Variants in PTPRN2 observed in about 807,000 individuals in gnomAD.
PTPRN2 encodes protein tyrosine phosphatase receptor type N2.
PTPRN2 carries 74 observed loss-of-function variants against 118.8 expected under a neutral mutation model. That is an observed-to-expected ratio of 0.62 (90% CI 0.52 to 0.76). PTPRN2 has a LOEUF of 0.76. Ranked by LOEUF, PTPRN2 falls within the 30% of genes least tolerant of loss-of-function variation. The pLI, the probability that PTPRN2 is intolerant of heterozygous loss-of-function variation, is 0.00. For missense variants in PTPRN2, 1,481 were observed against 1,394.4 expected (o/e 1.06, Z -0.99); for synonymous variants, 641 against 608.0 (o/e 1.05, Z -0.80).
At chr7:158,157,430 A>G (rs1484656221) in intron 6 of PTPRN2, among the ~76,000 whole-genome samples, 4 of 152,276 alleles carry the variant, frequency 2.6e-5, no homozygotes, top group Admixed American at 6.5e-5. Context: ...CTGTAAGGAC[A>G]TCAGCCAAAC....
chr7:158,530,528 C>T (rs540181870), intron 1 of PTPRN2, among the ~76,000 whole-genome samples: 31 of 152,264 alleles, frequency 2.0e-4, no homozygotes, highest in African/African-American at 7.2e-4. Context: ...ACGACTTAAA[C>T]ACATAGAGCA....
intron 2 of PTPRN2, among the ~76,000 whole-genome samples, chr7:158,344,106 G>A (rs1040532633): frequency 6.6e-6 from 1 of 151,882 alleles, no homozygotes; most frequent in African/African-American, 2.4e-5. Flanking sequence ...AACACAAAAT[G>A]TCCCCCTGCC....
At chr7:158,086,740 T>G (rs1323759507) in intron 10 of PTPRN2, among the ~76,000 whole-genome samples, 1 of 152,242 alleles carries the variant, frequency 6.6e-6, no homozygotes. Flanking sequence ...CTGAACTTTA[T>G]GGCTCTGTGT....
intron 9 of PTPRN2, among the ~76,000 whole-genome samples, chr7:158,113,687 G>C (rs1319085067): frequency 1.3e-5 from 2 of 152,178 alleles, no homozygotes; most frequent in East Asian, 3.9e-4. Flanking sequence ...TGGGGGTTAT[G>C]AATCCTTCCT....
chr7:158,133,375 T>G (rs1818534514), intron 9 of PTPRN2, among the ~76,000 whole-genome samples: 1 of 152,160 alleles, frequency 6.6e-6, no homozygotes, highest in African/African-American at 2.4e-5. Flanking sequence ...AGGCGCGGCC[T>G]GCAGGTGACC....
chr7:158,414,774 G>A (rs1814514273), intron 2 of PTPRN2, among the ~76,000 whole-genome samples: 1 of 152,206 alleles, frequency 6.6e-6, no homozygotes, highest in Non-Finnish European at 1.5e-5. Context: ...AGTGGGGGAG[G>A]GGCATCCACT....
intron 12 of PTPRN2, among the ~76,000 whole-genome samples, chr7:157,769,187 C>T (rs967816601): frequency 3.9e-5 from 6 of 152,114 alleles, no homozygotes; most frequent in African/African-American, 1.2e-4. Context: ...CTCATTATTC[C>T]GCCCCCCACA....
chr7:157,801,905 C>A lies in PTPRN2; in HGVS notation c.1788+96768G>T, dbSNP rs547131694. Among the ~76,000 whole-genome samples the A allele has an allele frequency of 6.6e-6, 1 of 152,300 alleles. No homozygotes were observed. The highest frequency in any genetic ancestry group is 2.1e-4 in the South Asian group (1 of 4,822). ...TTATTCTCTCACAGGAGGCCACGGT[C>A]CAGATGGGTTTCACTGAGCTGAAGT... On this transcript the variant is annotated intron_variant, in intron 12 of 22. Transcript: ENST00000389418. The surrounding 1 kb of genome is among the most constrained non-coding windows in gnomAD (Gnocchi z 4.2).
At chr7:158,437,303 A>AT (rs1193955279) in intron 2 of PTPRN2, among the ~76,000 whole-genome samples, 1 of 152,174 alleles carries the variant, frequency 6.6e-6, no homozygotes, top group Non-Finnish European at 1.5e-5. Context: ...TATAGAATCA[A>AT]TTTTTCTGGT....
chr7:158,196,288 G>T (rs923794938), intron 4 of PTPRN2, among the ~76,000 whole-genome samples: 8 of 152,120 alleles, frequency 5.3e-5, no homozygotes, highest in African/African-American at 1.9e-4. Context: ...AACTCAAGCT[G>T]CCTTGGTTTC....
intron 4 of PTPRN2, among the ~76,000 whole-genome samples, chr7:158,196,827 A>T (rs1328534916): frequency 6.6e-6 from 1 of 152,174 alleles, no homozygotes; most frequent in Non-Finnish European, 1.5e-5. Context: ...AAAAAAAGTA[A>T]CCCAGAATTC....
At chr7:158,107,472 G>GA (rs1815777846) in intron 10 of PTPRN2, among the ~76,000 whole-genome samples, 1 of 151,570 alleles carries the variant, frequency 6.6e-6, no homozygotes, top group African/African-American at 2.4e-5. Flanking sequence ...GCCACCTCCA[G>GA]AACCCCAGAT....
At chr7:158,252,137 C>T (rs754042406) in intron 3 of PTPRN2, among the ~76,000 whole-genome samples, 68 of 152,300 alleles carry the variant, frequency 4.5e-4, no homozygotes, top group Non-Finnish European at 8.5e-4. Context: ...GGCAACTCTG[C>T]TCTGGTTGCC....
rs1024102123 is a variant in PTPRN2, at chr7:158,178,594, T to C, written c.550-11303A>G. On this transcript the variant is annotated intron_variant, in intron 5 of 22. Transcript: ENST00000389418. ...ATATATACTACATTTTCTTTCTTTT[T>C]TTTTTTTTTTTTTTTTTTTTTTAAG... 3.3e-3 allele frequency among the ~76,000 whole-genome samples: 442 copies of C among 134,184 alleles called. 23 individuals are homozygous for C. Among genetic ancestry groups the C allele is most frequent in the African/African-American group, 0.012 (419 of 35,728 alleles). 88.0% of individuals were successfully genotyped at this position (134,184 alleles called of 152,430 possible).
intron 2 of PTPRN2, among the ~76,000 whole-genome samples, chr7:158,332,885 A>T (rs1804782793): frequency 6.7e-6 from 1 of 148,324 alleles, no homozygotes; most frequent in African/African-American, 2.6e-5. Flanking sequence ...ATAAGAAGTG[A>T]CACCTGCAAA....
At chr7:158,089,673 A>AC (rs1554535430) in intron 10 of PTPRN2, among the ~76,000 whole-genome samples, 1 of 140,272 alleles carries the variant, frequency 7.1e-6, no homozygotes, top group African/African-American at 3.0e-5. Context: ...CTTCACACAA[A>AC]CCTTCTTCCC....
At chr7:158,495,790 C>T (rs981073159) in intron 1 of PTPRN2, among the ~76,000 whole-genome samples, 2 of 152,272 alleles carry the variant, frequency 1.3e-5, no homozygotes, top group South Asian at 2.1e-4. Context: ...CCAGGCTGGG[C>T]GTGGGAGGAC....
chr7:157,633,759 C>T (rs117144223), intron 14 of PTPRN2, among the ~76,000 whole-genome samples: 2,977 of 152,222 alleles, frequency 0.02, 151 homozygotes, highest in East Asian at 0.15. Flanking sequence ...GAGGGAAGGT[C>T]GGGGCTGCAG....
chr7:158,101,344 A>G (rs1201920208), intron 10 of PTPRN2, among the ~76,000 whole-genome samples: 1 of 152,202 alleles, frequency 6.6e-6, no homozygotes, highest in Non-Finnish European at 1.5e-5. Flanking sequence ...CTGGATCCTC[A>G]TCTCTCCCCT....
Sources: gnomAD v4.1 joint callset for allele counts (sites outside exome capture counted in the v4.1 genomes callset) on GRCh38, gnomAD v4.1.1 for gene constraint, Gnocchi (gnomAD v3.1) non-coding constraint, MANE v1.5 for transcripts, NCBI Gene and HGNC (gene_info 2026-07-23, HGNC 2026-07-21) for gene names.